KALRN: variants seen among roughly 807,000 people sequenced by gnomAD.
KALRN encodes kalirin.
In KALRN, 70 loss-of-function variants were observed where a neutral mutation model predicts 353.7. That is an observed-to-expected ratio of 0.20 (90% CI 0.16 to 0.24). The LOEUF is 0.24. Among genes scored for constraint, KALRN ranks in the 10% least tolerant of loss-of-function variants. The probability of loss-of-function intolerance (pLI) is 1.00; values close to 1 mark genes in which losing one functional copy is unlikely to be tolerated. For synonymous variants in KALRN, 1,391 were observed against 1,434.8 expected (o/e 0.97, Z 0.69); for missense variants, 2,791 against 3,756.7 (o/e 0.74, Z 6.72).
intron 33 of KALRN, among the ~76,000 whole-genome samples, chr3:124,531,244 T>C (rs115242084): frequency 6.6e-6 from 1 of 152,312 alleles, no homozygotes; most frequent in African/African-American, 2.4e-5. Context: ...GCAGAAATAT[T>C]TGGTGAGTGT....
Position 124,490,697 on chromosome 3 carries a change from T to C in KALRN, c.4400T>C (p.Phe1467Ser). 6.2e-7 allele frequency: 1 copy of C among 1,612,170 alleles called. No homozygotes were observed. The highest frequency in any genetic ancestry group is 8.5e-7 in the Non-Finnish European group (1 of 1,179,422). The change falls in exon 30 of 60, where the codon TTC (phenylalanine) becomes TCC (serine). Residue 1467 changes from phenylalanine to serine, a missense_variant. Coordinates refer to ENST00000682506, the MANE Select transcript of KALRN (RefSeq NM_001388419.1). The stretch of plus-strand genomic sequence containing the variant: ...GGTGGAAATGGATGTTTTTCAGGGT[T>C]CGACGAGAACCTGGATGTGCAGGGG... Reference protein sequence around the residue: ...DAMHVSMLEGFDENLDVQGEL... With the variant: ...DAMHVSMLEGSDENLDVQGEL...
chr3:124,145,075 G>A (rs1225617817), intron 1 of KALRN, among the ~76,000 whole-genome samples: 1 of 152,120 alleles, frequency 6.6e-6, no homozygotes, highest in Non-Finnish European at 1.5e-5. Context: ...TTCTCTTATG[G>A]GCAAGAGGAT....
Position 124,287,384 on chromosome 3 carries a change from A to G in KALRN, c.970-11407A>G, listed in dbSNP as rs531104774. Among the ~76,000 whole-genome samples, 4 of 152,056 alleles carry G rather than the reference A, an allele frequency of 2.6e-5. No individual in the cohort carries two copies. The South Asian group carries it at 6.2e-4, about 24-fold the overall frequency. On this transcript the variant is annotated intron_variant, in intron 5 of 59. Transcript: ENST00000682506. ...GCTCCTCTGCATCTCCCTCCACTGT[A>G]ATATCCTGTCACCCAAATCTCAGCC...
intron 33 of KALRN, among the ~76,000 whole-genome samples, chr3:124,531,900 T>C (rs2068074511): frequency 6.6e-6 from 1 of 152,196 alleles, no homozygotes; most frequent in Non-Finnish European, 1.5e-5. Flanking sequence ...AGGTCTCATA[T>C]GTAGGGGGTC....
chr3:124,281,240 G>A (rs752334948), intron 5 of KALRN, among the ~76,000 whole-genome samples: 5 of 152,154 alleles, frequency 3.3e-5, no homozygotes, highest in Non-Finnish European at 2.9e-5. Context: ...AGAATGTCCT[G>A]CTATAGGAAC....
At chr3:124,701,219 C>T (rs1425184700) in intron 56 of KALRN, among the ~76,000 whole-genome samples, 2 of 152,246 alleles carry the variant, frequency 1.3e-5, no homozygotes, top group Non-Finnish European at 2.9e-5. Context: ...TGCACGCGTG[C>T]GTGAATCATT....
At chr3:124,663,640 C>G (rs1176082076) in intron 45 of KALRN, among the ~76,000 whole-genome samples, 1 of 152,198 alleles carries the variant, frequency 6.6e-6, no homozygotes, top group Non-Finnish European at 1.5e-5. Context: ...AGATGTGGAT[C>G]TTTTATTTCC....
At chr3:124,610,851 A>AAAAAAG (rs1174180170) in intron 34 of KALRN, among the ~76,000 whole-genome samples, 1 of 151,160 alleles carries the variant, frequency 6.6e-6, no homozygotes, top group African/African-American at 2.4e-5. Context: ...TCCCTACAAA[A>AAAAAAG]AAAAGAAAAG....
intron 33 of KALRN, among the ~76,000 whole-genome samples, chr3:124,503,494 G>C (rs2064852010): frequency 6.6e-6 from 1 of 151,636 alleles, no homozygotes; most frequent in Admixed American, 6.6e-5. Context: ...TCCAGAGCTA[G>C]GTTTGAAAAT....
At chr3:124,401,914 A>C (rs538606081) in intron 13 of KALRN, among the ~76,000 whole-genome samples, 16 of 152,312 alleles carry the variant, frequency 1.1e-4, no homozygotes, top group Non-Finnish European at 2.4e-4. Context: ...CTTTTAGAGA[A>C]GCTTCTGGTG....
chr3:124,471,638 GA>G (rs2060909421), intron 25 of KALRN, among the ~76,000 whole-genome samples: 1 of 152,012 alleles, frequency 6.6e-6, no homozygotes, highest in African/African-American at 2.4e-5. Context: ...TCAGTTGTGG[GA>G]GGGGAAGAAA....
At chr3:124,055,860 T>C (rs937430116) in intron 1 of KALRN, among the ~76,000 whole-genome samples, 1 of 152,182 alleles carries the variant, frequency 6.6e-6, no homozygotes, top group African/African-American at 2.4e-5. Context: ...GCCATTTTTT[T>C]CCCCATGCCA....
At chr3:124,378,545 C>T (rs1339273805) in intron 10 of KALRN, among the ~76,000 whole-genome samples, 3 of 152,052 alleles carry the variant, frequency 2.0e-5, no homozygotes, top group Non-Finnish European at 4.4e-5. Context: ...TTTCTTTCTT[C>T]CTGAAGGACT....
intron 28 of KALRN, among the ~76,000 whole-genome samples, chr3:124,487,052 G>A (rs1297126758): frequency 6.6e-6 from 1 of 152,166 alleles, no homozygotes. Context: ...TTGATCTGGT[G>A]AACTTCTTTA....
chr3:124,315,686 TCTATGGCCACTA>T (rs1156447446), intron 6 of KALRN, among the ~76,000 whole-genome samples: 1 of 152,000 alleles, frequency 6.6e-6, no homozygotes, highest in Non-Finnish European at 1.5e-5. Flanking sequence ...CACATACTCA[TCTATGGCCACTA>T]CTTGTTCTCC....
At chr3:124,108,814 C>G (rs186339088) in intron 1 of KALRN, among the ~76,000 whole-genome samples, 121 of 152,186 alleles carry the variant, frequency 8.0e-4, no homozygotes, top group Non-Finnish European at 1.3e-3. Context: ...ACCTAGCCTG[C>G]CTTGGCTGAT....
At chr3:124,605,973 G>A (rs1230074830) in intron 34 of KALRN, among the ~76,000 whole-genome samples, 1 of 152,150 alleles carries the variant, frequency 6.6e-6, no homozygotes, top group Non-Finnish European at 1.5e-5. Context: ...CCAAGAGGGA[G>A]GCTTGATTGG....
At position 124,632,415 on chromosome 3, in the gene KALRN, C is replaced by T; in HGVS notation, c.5183-5C>T. 1 of 1,613,548 alleles carries T rather than the reference C, an allele frequency of 6.2e-7. No individual in the cohort carries two copies. The highest frequency in any genetic ancestry group is 8.5e-7 in the Non-Finnish European group (1 of 1,179,630). On this transcript the variant is annotated splice_polypyrimidine_tract_variant and splice_region_variant and intron_variant, in intron 34 of 59. Transcript: ENST00000682506. ...GACATGGCTGTGTCTGTCCGTTTTC[C>T]TCAGATGCATACTCTCATTCCTCAA... is the stretch of plus-strand genomic sequence containing the variant.
At chr3:124,175,191 G>A (rs1299119221) in intron 1 of KALRN, among the ~76,000 whole-genome samples, 1 of 152,244 alleles carries the variant, frequency 6.6e-6, no homozygotes, top group Non-Finnish European at 1.5e-5. Flanking sequence ...TGAGGCACAT[G>A]GAATATCAAC....
Sources: allele counts gnomAD v4.1 joint callset (sites outside exome capture counted in the v4.1 genomes callset), GRCh38; gene constraint gnomAD v4.1.1; transcripts MANE v1.5; gene names NCBI Gene and HGNC (gene_info 2026-07-23, HGNC 2026-07-21).